Variants in HS3ST4 observed in about 807,000 individuals in gnomAD.
HS3ST4 encodes the protein heparan sulfate-glucosamine 3-sulfotransferase 4.
HS3ST4 carries 17 observed loss-of-function variants against 29.2 expected under a neutral mutation model. The ratio of observed to expected loss-of-function variants is 0.58; its 90% confidence interval spans 0.40 to 0.87. The LOEUF is 0.87. HS3ST4 is among the 40% of genes least tolerant of loss of function. HS3ST4 has a pLI of 0.00. For synonymous variants in HS3ST4, 314 were observed against 285.7 expected (o/e 1.10, Z -1.00); for missense variants, 627 against 634.5 (o/e 0.99, Z 0.13).
intron 1 of HS3ST4, among the ~76,000 whole-genome samples, chr16:25,740,892 C>A (rs1966647300): frequency 6.6e-6 from 1 of 152,096 alleles, no homozygotes; most frequent in Admixed American, 6.6e-5. Context: ...ATCTTATTTG[C>A]TAAGATCCAT....
chr16:26,018,678 A>G lies in HS3ST4; in HGVS notation c.735-116934A>G, dbSNP rs992703061. Among the ~76,000 whole-genome samples the G allele has an allele frequency of 2.2e-4, 33 of 152,264 alleles. 1 individual carries two copies. Among genetic ancestry groups the G allele is most frequent in the Admixed American group, 1.5e-3 (23 of 15,286 alleles). The stretch of plus-strand genomic sequence containing the variant: ...GACTCCCTACTTTTGAGCATTTAAC[A>G]TTACACCAAGGATCACAAGCAGTGA... On this transcript the variant is annotated intron_variant, in intron 1 of 1. Transcript: ENST00000331351.
intron 1 of HS3ST4, among the ~76,000 whole-genome samples, chr16:25,772,060 C>T (rs1159992585): frequency 1.3e-5 from 2 of 152,224 alleles, no homozygotes; most frequent in Non-Finnish European, 2.9e-5. Flanking sequence ...GTCACACCTA[C>T]TCAACTCTGC....
rs560388793 is a variant in HS3ST4 at position 25,751,980 on chromosome 16, C to T, written c.734+58829C>T. Reference sequence around the variant, plus strand: ...GTGACTAGTAAGTTTTAAATCTACTCAACTGCTTCCATTTCCCTTTTTTTT... The same window carrying T: ...GTGACTAGTAAGTTTTAAATCTACTTAACTGCTTCCATTTCCCTTTTTTTT... On this transcript the variant is annotated intron_variant, in intron 1 of 1. Transcript: ENST00000331351. 4.8e-5 allele frequency among the ~76,000 whole-genome samples: 7 copies of T among 146,992 alleles called. No homozygotes were observed. In the South Asian group the frequency reaches 1.6e-3, roughly 34 times the overall value.
At chr16:25,970,565 A>G (rs377326065) in intron 1 of HS3ST4, among the ~76,000 whole-genome samples, 1 of 151,438 alleles carries the variant, frequency 6.6e-6, no homozygotes, top group East Asian at 1.9e-4. Context: ...GCTGGTATGC[A>G]GTGATGTGAT....
chr16:25,913,575 T>C (rs1968260280), intron 1 of HS3ST4, among the ~76,000 whole-genome samples: 2 of 152,202 alleles, frequency 1.3e-5, no homozygotes, highest in Admixed American at 1.3e-4. Context: ...GTTTGAGTAG[T>C]GAAGGTTTTT....
chr16:26,079,144 G>A (rs1378543805), intron 1 of HS3ST4, among the ~76,000 whole-genome samples: 1 of 152,224 alleles, frequency 6.6e-6, no homozygotes, highest in Non-Finnish European at 1.5e-5. Flanking sequence ...GACAGAGGCA[G>A]GCAGATATAG....
chr16:25,783,897 T>TA (rs1208640744), intron 1 of HS3ST4, among the ~76,000 whole-genome samples: 1 of 151,208 alleles, frequency 6.6e-6, no homozygotes, highest in Non-Finnish European at 1.5e-5. Context: ...AATTTGCAGA[T>TA]ACTGTGTTTT....
chr16:25,917,316 G>A (rs1267329810), intron 1 of HS3ST4, among the ~76,000 whole-genome samples: 1 of 151,964 alleles, frequency 6.6e-6, no homozygotes, highest in Non-Finnish European at 1.5e-5. Flanking sequence ...AGGTTCAAGC[G>A]ATTCTCCTGC....
intron 1 of HS3ST4, among the ~76,000 whole-genome samples, chr16:25,811,781 A>T (rs933392979): frequency 2.0e-5 from 3 of 152,218 alleles, no homozygotes; most frequent in Non-Finnish European, 4.4e-5. Context: ...AATACAATAT[A>T]TAATAAAAAT....
At chr16:25,828,242 C>CTTTTTCTGTCTTTTTCTT (rs1371928058) in intron 1 of HS3ST4, among the ~76,000 whole-genome samples, 1 of 75,016 alleles carries the variant, frequency 1.3e-5, no homozygotes, top group Non-Finnish European at 2.5e-5. Flanking sequence ...TTCTTTCTTT[C>CTTTTTCTGTCTTTTTCTT]TCTTTCTTTC....
At chr16:26,068,006 G>A (rs1460337508) in intron 1 of HS3ST4, among the ~76,000 whole-genome samples, 1 of 152,194 alleles carries the variant, frequency 6.6e-6, no homozygotes, top group Non-Finnish European at 1.5e-5. Flanking sequence ...GAATTACCCA[G>A]TCTTGGTTAT....
At chr16:25,941,702 G>T (rs1163628635) in intron 1 of HS3ST4, among the ~76,000 whole-genome samples, 1 of 151,978 alleles carries the variant, frequency 6.6e-6, no homozygotes, top group Non-Finnish European at 1.5e-5. Flanking sequence ...TCAGCCTCCT[G>T]AGTAGCTCAG....
chr16:25,837,164 A>C (rs1967364885), intron 1 of HS3ST4, among the ~76,000 whole-genome samples: 1 of 152,228 alleles, frequency 6.6e-6, no homozygotes, highest in South Asian at 2.1e-4. Context: ...GACTAGGGTC[A>C]GCCATGAGAT....
At chr16:26,003,120 C>T (rs1211630892) in intron 1 of HS3ST4, among the ~76,000 whole-genome samples, 2 of 152,016 alleles carry the variant, frequency 1.3e-5, no homozygotes, top group African/African-American at 4.8e-5. Context: ...AAATCTAGCT[C>T]CAATTGACTT....
intron 1 of HS3ST4, among the ~76,000 whole-genome samples, chr16:25,817,258 GCA>G (rs139993897): frequency 0.073 from 11,180 of 152,202 alleles, 466 homozygotes; most frequent in East Asian, 0.12. Context: ...GCATGGACTG[GCA>G]CGTATGTAAA....
intron 1 of HS3ST4, among the ~76,000 whole-genome samples, chr16:25,708,011 C>A (rs1271615572): frequency 6.6e-6 from 1 of 152,186 alleles, no homozygotes; most frequent in Non-Finnish European, 1.5e-5. Flanking sequence ...ACTCCACACC[C>A]ACCCAGGTTT....
intron 1 of HS3ST4, among the ~76,000 whole-genome samples, chr16:26,004,031 T>C (rs1249365736): frequency 1.3e-5 from 2 of 152,200 alleles, no homozygotes; most frequent in Non-Finnish European, 2.9e-5. Flanking sequence ...CCCTCTCTAC[T>C]TCTGTTTGTT....
At chr16:25,795,782 A>C (rs770843865) in intron 1 of HS3ST4, among the ~76,000 whole-genome samples, 1 of 152,100 alleles carries the variant, frequency 6.6e-6, no homozygotes, top group African/African-American at 2.4e-5. Context: ...GGTGAGTTGC[A>C]TTCTTTGTGT....
chr16:25,951,939 C>G (rs1352755922), intron 1 of HS3ST4, among the ~76,000 whole-genome samples: 5 of 151,578 alleles, frequency 3.3e-5, no homozygotes, highest in African/African-American at 7.3e-5. Context: ...TGTAACAAAC[C>G]TGCACATCCT....
Sources: allele counts gnomAD v4.1 joint callset (sites outside exome capture counted in the v4.1 genomes callset), GRCh38; gene constraint gnomAD v4.1.1; transcripts MANE v1.5; gene names NCBI Gene and HGNC (gene_info 2026-07-23, HGNC 2026-07-21).